Variants in RELN observed in about 807,000 individuals in gnomAD.
RELN encodes reelin.
Under a neutral mutation model 427.6 loss-of-function variants are expected in RELN, and 108 were observed. That is an observed-to-expected ratio of 0.25 (90% CI 0.22 to 0.30). RELN has a LOEUF of 0.30. RELN is among the 10% of genes least tolerant of loss of function. The pLI, the probability that RELN is intolerant of heterozygous loss-of-function variation, is 1.00. For missense variants in RELN, 3,715 were observed against 4,302.8 expected, an observed-to-expected ratio of 0.86 and a Z score of 3.82; for synonymous variants, 1,524 against 1,513.4, an observed-to-expected ratio of 1.01 and a Z score of -0.16.
intron 50 of RELN, chr7:103,514,154 C>T (rs1196536699): frequency 2.0e-5 from 3 of 152,068 alleles, no homozygotes; most frequent in Non-Finnish European, 4.4e-5. Context: ...CTGTCTGAAT[C>T]AATACTGGCA....
intron 8 of RELN, among the ~76,000 whole-genome samples, chr7:103,712,165 C>A (rs979982002): frequency 2.6e-5 from 4 of 152,114 alleles, no homozygotes; most frequent in Non-Finnish European, 4.4e-5. Context: ...GAACCTGCAG[C>A]AATTATACAT....
chr7:103,803,625 A>C (rs1256148989), intron 3 of RELN, among the ~76,000 whole-genome samples: 1 of 152,126 alleles, frequency 6.6e-6, no homozygotes, highest in Non-Finnish European at 1.5e-5. Flanking sequence ...CCTTGTTATC[A>C]AGTTGCTTAG....
rs1258953999 is a variant in RELN, at chr7:103,924,107, C to G, written c.227-6922G>C. ...CTGCAGTAAGTAGAGCAGCCTCTAT[C>G]TCGTGCTATGCCCAAGAGGGTGGCA... On this transcript the variant is annotated intron_variant, in intron 1 of 64. Transcript: ENST00000428762. Among the ~76,000 whole-genome samples the G allele has an allele frequency of 1.3e-5, 2 of 152,110 alleles. 1 individual carries two copies. Among genetic ancestry groups the G allele is most frequent in the East Asian group, 3.9e-4 (2 of 5,164 alleles).
intron 45 of RELN, among the ~76,000 whole-genome samples, chr7:103,538,453 A>G (rs1356834862): frequency 1.3e-5 from 2 of 152,144 alleles, no homozygotes; most frequent in African/African-American, 4.8e-5. Context: ...GTGTGAGTGC[A>G]TGGTATGTGT....
chr7:103,835,882 C>A (rs1222346859), intron 2 of RELN, among the ~76,000 whole-genome samples: 2 of 152,122 alleles, frequency 1.3e-5, no homozygotes, highest in East Asian at 3.9e-4. Context: ...TTCCTGCCCA[C>A]CAGAGTGATC....
At chr7:103,480,025 G>T (rs1469337194) in intron 63 of RELN, among the ~76,000 whole-genome samples, 1 of 152,160 alleles carries the variant, frequency 6.6e-6, no homozygotes. Context: ...ACCATTAGTT[G>T]CAAAAACATA....
At chr7:103,680,050 G>T (rs1034677281) in intron 11 of RELN, among the ~76,000 whole-genome samples, 1 of 152,122 alleles carries the variant, frequency 6.6e-6, no homozygotes, top group Non-Finnish European at 1.5e-5. Context: ...AAGATGGGGG[G>T]CATTTTGGGA....
At chr7:103,684,844 T>C (rs754258345) in intron 10 of RELN, among the ~76,000 whole-genome samples, 1 of 152,202 alleles carries the variant, frequency 6.6e-6, no homozygotes, top group African/African-American at 2.4e-5. Context: ...GCTATTATAT[T>C]CCATATGCCT....
chr7:103,784,226 T>A (rs1012201237), intron 3 of RELN, among the ~76,000 whole-genome samples: 1 of 152,156 alleles, frequency 6.6e-6, no homozygotes, highest in African/African-American at 2.4e-5. Flanking sequence ...ACCATTAAGG[T>A]GTCAAATGTG....
intron 3 of RELN, among the ~76,000 whole-genome samples, chr7:103,810,285 T>A (rs1244894534): frequency 6.6e-6 from 1 of 152,160 alleles, no homozygotes; most frequent in African/African-American, 2.4e-5. Context: ...TGAAATCAAT[T>A]ACTTATTAAG....
At chr7:103,943,106 A>G (rs1348016293) in intron 1 of RELN, among the ~76,000 whole-genome samples, 1 of 152,214 alleles carries the variant, frequency 6.6e-6, no homozygotes, top group African/African-American at 2.4e-5. Context: ...ACTTTCTTCT[A>G]AATTGAATAC....
intron 31 of RELN, 45 bp downstream of exon 31, chr7:103,572,139 T>C (rs763612564): frequency 1.2e-5 from 13 of 1,111,956 alleles, no homozygotes; most frequent in Non-Finnish European, 1.2e-5. Flanking sequence ...AAAGGACTAA[T>C]CTGCCAATAG....
intron 2 of RELN, among the ~76,000 whole-genome samples, chr7:103,852,858 A>G (rs943372644): frequency 6.6e-6 from 1 of 152,100 alleles, no homozygotes; most frequent in Non-Finnish European, 1.5e-5. Flanking sequence ...AATTCTGATG[A>G]TAAAATATAT....
chr7:103,962,849 A>G (rs1283059034), intron 1 of RELN, among the ~76,000 whole-genome samples: 1 of 152,222 alleles, frequency 6.6e-6, no homozygotes, highest in African/African-American at 2.4e-5. Flanking sequence ...GAAAACTATT[A>G]TGAGTTTAGC....
intron 31 of RELN, 28 bp downstream of exon 31, chr7:103,572,156 T>C (rs764910081): frequency 2.2e-6 from 3 of 1,366,636 alleles, no homozygotes; most frequent in East Asian, 4.6e-5. Context: ...ATAGTAACTG[T>C]AATTTCCATG....
intron 3 of RELN, among the ~76,000 whole-genome samples, chr7:103,806,517 G>C (rs1317532501): frequency 6.6e-6 from 1 of 151,986 alleles, no homozygotes; most frequent in Non-Finnish European, 1.5e-5. Context: ...TAGAGAAAGG[G>C]TTTTTCCACA....
intron 47 of RELN, 79 bp from the exon 48 acceptor site, chr7:103,522,278 A>G: frequency 7.3e-7 from 1 of 1,364,932 alleles, no homozygotes. Context: ...AGTGAAGACT[A>G]CTCTTTTCCT....
intron 20 of RELN, among the ~76,000 whole-genome samples, chr7:103,621,945 G>C (rs6963153): frequency 0.36 from 54,651 of 152,084 alleles, 10,033 homozygotes; most frequent in South Asian, 0.44. Flanking sequence ...GAACCTGGGA[G>C]GCAGAGGTTG....
chr7:103,528,772 G>A (rs1017795837), intron 46 of RELN, among the ~76,000 whole-genome samples: 2 of 150,822 alleles, frequency 1.3e-5, no homozygotes, highest in Admixed American at 6.6e-5. Flanking sequence ...GAGGTGATTC[G>A]CCTGCCTCGA....
Sources: gnomAD v4.1 joint callset for allele counts (sites outside exome capture counted in the v4.1 genomes callset) on GRCh38, gnomAD v4.1.1 for gene constraint, MANE v1.5 for transcripts, NCBI Gene and HGNC (gene_info 2026-07-23, HGNC 2026-07-21) for gene names.